Variants in NRP2 observed in about 807,000 individuals in gnomAD.
The protein encoded by NRP2 is neuropilin 2, also known as neuropilin-2.
In NRP2, 52 loss-of-function variants were observed where a neutral mutation model predicts 110.4. The ratio of observed to expected loss-of-function variants is 0.47; its 90% CI spans 0.38 to 0.59. The LOEUF (loss-of-function observed/expected upper bound fraction) is 0.59. Among genes scored for constraint, NRP2 ranks in the 20% least tolerant of loss-of-function variants. The pLI is 0.00. For synonymous variants in NRP2, 508 were observed against 468.9 expected, an observed-to-expected ratio of 1.08 and a Z score of -1.08; for missense variants, 1,049 against 1,203.0, an observed-to-expected ratio of 0.87 and a Z score of 1.89.
intron 14 of NRP2, among the ~76,000 whole-genome samples, chr2:205,766,445 T>A (rs2057919344): frequency 6.6e-6 from 1 of 152,156 alleles, no homozygotes; most frequent in South Asian, 2.1e-4. Flanking sequence ...TCCGGGCAAC[T>A]CTCAGGCCCC....
rs577870782 is a variant in NRP2 at position 205,720,238 on chromosome 2, T to C, written c.434-2240T>C. Among the ~76,000 whole-genome samples the C allele has an allele frequency of 8.9e-4, 134 of 150,286 alleles. 3 individuals are homozygous for C. In the South Asian group the frequency reaches 0.023, roughly 26 times the overall value. ...CAAAGGATATACCCATTTATAGCCA[T>C]ATATCAGAAATGCTTTTTTCTTTCT... On this transcript the variant is annotated intron_variant, in intron 3 of 16. Coordinates refer to ENST00000357785, the MANE Select transcript of NRP2 (RefSeq NM_003872.3).
At chr2:205,748,314 G>A (rs1464707993) in intron 10 of NRP2, among the ~76,000 whole-genome samples, 2 of 152,154 alleles carry the variant, frequency 1.3e-5, no homozygotes, top group Non-Finnish European at 2.9e-5. Flanking sequence ...AATGGGCTGG[G>A]CTGAGCTGCT....
intron 12 of NRP2, among the ~76,000 whole-genome samples, chr2:205,756,152 A>G (rs2057731538): frequency 6.6e-6 from 1 of 151,982 alleles, no homozygotes; most frequent in African/African-American, 2.4e-5. Flanking sequence ...GCCAGTCAGA[A>G]TTTCTGTTTT....
chr2:205,759,411 A>G (rs191059301), intron 12 of NRP2: 8 of 152,352 alleles, frequency 5.3e-5, no homozygotes, highest in African/African-American at 1.9e-4. Context: ...GACGTGGCCT[A>G]TGGAAACTCC....
intron 7 of NRP2, 87 bp downstream of exon 7, chr2:205,728,133 A>C (rs1023090162): frequency 1.2e-5 from 17 of 1,477,802 alleles, no homozygotes; most frequent in Non-Finnish European, 1.5e-5. Flanking sequence ...CTCCTACAGG[A>C]GAGAGGGCCT....
intron 15 of NRP2, chr2:205,779,222 A>G (rs1479454502): frequency 2.0e-5 from 3 of 152,204 alleles, no homozygotes; most frequent in African/African-American, 7.2e-5. Context: ...GTTTTATGTC[A>G]ACACCTTCAG....
At chr2:205,761,121 A>G (rs1242339349) in intron 12 of NRP2, among the ~76,000 whole-genome samples, 1 of 152,204 alleles carries the variant, frequency 6.6e-6, no homozygotes, top group Non-Finnish European at 1.5e-5. Flanking sequence ...TTGGGAGGGT[A>G]GAGGGAATTG....
At chr2:205,787,718 C>CTGTGTGTGTGTGTGTG (rs60558986) in intron 15 of NRP2, among the ~76,000 whole-genome samples, 1 of 144,076 alleles carries the variant, frequency 6.9e-6, no homozygotes, top group African/African-American at 2.6e-5. Flanking sequence ...AAAAAAGTGT[C>CTGTGTGTGTGTGTGTG]TGTGTGTGTG....
Position 205,745,857 on chromosome 2 carries a change from A to G in NRP2, c.1753A>G (p.Met585Val). The change falls in exon 10 of 17, where the codon ATG (methionine) becomes GTG (valine). Residue 585 changes from methionine (M) to valine (V), a missense_variant. Physicochemically the swap from Met to Val is conservative, Grantham distance 21. Coordinates refer to ENST00000357785, the MANE Select transcript of NRP2 (RefSeq NM_003872.3). ...GAGGTGGTCGCCGGCGGGGATTGGG[A>G]TGCGGCTGGAGGTGCTGGGCTGTGA... ...PERWSPAGIG[M>V]RLEVLGCDWT... 1.2e-6 allele frequency: 2 copies of G among 1,614,182 alleles called. No individual in the cohort carries two copies. The highest frequency in any genetic ancestry group is 1.7e-6 in the Non-Finnish European group (2 of 1,180,024).
intron 6 of NRP2, 59 bp from the exon 7 acceptor site, chr2:205,727,832 A>G: frequency 1.3e-6 from 2 of 1,536,276 alleles, no homozygotes; most frequent in Non-Finnish European, 1.8e-6. Context: ...TTGGAAAAAA[A>G]CAAGACACTG....
intron 13 of NRP2, among the ~76,000 whole-genome samples, chr2:205,764,172 GT>G (rs2057872633): frequency 6.6e-6 from 1 of 152,130 alleles, no homozygotes; most frequent in Non-Finnish European, 1.5e-5. Context: ...TCCAACAAAT[GT>G]TTCTCCTCTC....
chr2:205,735,279 AGCTCACT>A (rs2057323020), intron 7 of NRP2, among the ~76,000 whole-genome samples: 1 of 152,108 alleles, frequency 6.6e-6, no homozygotes, highest in Non-Finnish European at 1.5e-5. Flanking sequence ...AAGGCTGCAA[AGCTCACT>A]GTCCTCAGCT....
At chr2:205,709,141 GAAACAC>G (rs1221908055) in intron 2 of NRP2, among the ~76,000 whole-genome samples, 1 of 152,230 alleles carries the variant, frequency 6.6e-6, no homozygotes, top group Admixed American at 6.5e-5. Context: ...CCTGGGCTCA[GAAACAC>G]AAGTTTGAAA....
chr2:205,698,362 A>G (rs926094199), intron 2 of NRP2, among the ~76,000 whole-genome samples: 9 of 152,300 alleles, frequency 5.9e-5, no homozygotes, highest in African/African-American at 2.2e-4. Context: ...TAATCCATTT[A>G]CTTTGCACAG....
intron 15 of NRP2, chr2:205,779,713 A>G (rs994793207): frequency 6.6e-6 from 1 of 152,330 alleles, no homozygotes; most frequent in Non-Finnish European, 1.5e-5. Flanking sequence ...TTTTTATACA[A>G]ACATGTGAGG....
chr2:205,749,924 G>A, intron 11 of NRP2, 83 bp downstream of exon 11: 1 of 1,028,464 alleles, frequency 9.7e-7, no homozygotes, highest in South Asian at 1.3e-5. Flanking sequence ...GGACCTAGTG[G>A]TCCCCCAGAT....
At chr2:205,698,924 C>T (rs2056494756) in intron 2 of NRP2, among the ~76,000 whole-genome samples, 1 of 152,230 alleles carries the variant, frequency 6.6e-6, no homozygotes, top group South Asian at 2.1e-4. Context: ...TGGGCCAGCA[C>T]TTCCTCATGG....
intron 15 of NRP2, among the ~76,000 whole-genome samples, chr2:205,772,778 G>C (rs547293228): frequency 1.3e-5 from 2 of 152,230 alleles, no homozygotes; most frequent in South Asian, 4.1e-4. Context: ...TGGCTGAAGG[G>C]GCAAGTGAAG....
intron 5 of NRP2, among the ~76,000 whole-genome samples, chr2:205,724,777 G>C (rs1046666453): frequency 1.4e-5 from 2 of 143,286 alleles, no homozygotes; most frequent in Non-Finnish European, 3.0e-5. Context: ...AGCAATTCTC[G>C]TGTCTCAGCC....
Sources: allele counts gnomAD v4.1 joint callset (sites outside exome capture counted in the v4.1 genomes callset), GRCh38; gene constraint gnomAD v4.1.1; transcripts MANE v1.5; gene names NCBI Gene and HGNC (gene_info 2026-07-23, HGNC 2026-07-21).